Variants in SLC44A1 observed in about 807,000 individuals in gnomAD.
SLC44A1 encodes the protein choline transporter-like protein 1.
Under a neutral mutation model 79.3 loss-of-function variants are expected in SLC44A1, and 26 were observed. That is an observed-to-expected ratio of 0.33 (90% CI 0.24 to 0.46). SLC44A1 has a LOEUF of 0.46. SLC44A1 is among the 20% of genes least tolerant of loss of function. The pLI is 1.00. For missense variants in SLC44A1, 688 were observed against 798.1 expected (o/e 0.86, Z 1.66); for synonymous variants, 263 against 286.2 (o/e 0.92, Z 0.82).
Position 105,272,969 on chromosome 9 carries a change from A to G in SLC44A1, c.37-26251A>G, listed in dbSNP as rs142113257. 1.4e-3 allele frequency among the ~76,000 whole-genome samples: 209 copies of G among 151,546 alleles called. 3 individuals are homozygous for G. In the East Asian group the frequency reaches 0.033, roughly 24 times the overall value. ...GTACGTTTAATTTTCTTTCATATATATATATATATGTATGTATATATAATT... is the reference window on the plus strand; with the variant it reads ...GTACGTTTAATTTTCTTTCATATATGTATATATATGTATGTATATATAATT... On this transcript the variant is annotated intron_variant, in intron 1 of 15. Transcript: ENST00000374720.
intron 1 of SLC44A1, among the ~76,000 whole-genome samples, chr9:105,283,564 C>G (rs1416505457): frequency 6.6e-6 from 1 of 152,194 alleles, no homozygotes; most frequent in African/African-American, 2.4e-5. Flanking sequence ...ATCAACCCAG[C>G]AGGCTAATTT....
chr9:105,306,502 G>A (rs750577206), intron 2 of SLC44A1, among the ~76,000 whole-genome samples: 13 of 151,928 alleles, frequency 8.6e-5, no homozygotes, highest in Non-Finnish European at 1.8e-4. Context: ...GAAGTCCCTA[G>A]GATGATAGTC....
At chr9:105,248,724 T>C (rs1829512881) in intron 1 of SLC44A1, among the ~76,000 whole-genome samples, 1 of 152,214 alleles carries the variant, frequency 6.6e-6, no homozygotes, top group Non-Finnish European at 1.5e-5. Flanking sequence ...CCTAAGGCTC[T>C]TAAAATTTAT....
chr9:105,271,108 T>C (rs962535618), intron 1 of SLC44A1, among the ~76,000 whole-genome samples: 5 of 152,258 alleles, frequency 3.3e-5, no homozygotes, highest in African/African-American at 1.2e-4. Context: ...AGACCAAGCG[T>C]GGCTTTAAGT....
At chr9:105,431,753 C>T (rs1341550207) in intron 15 of SLC44A1, among the ~76,000 whole-genome samples, 3 of 152,186 alleles carry the variant, frequency 2.0e-5, no homozygotes, top group Admixed American at 2.0e-4. Context: ...ATAACTCATA[C>T]ACCCATCTCA....
intron 4 of SLC44A1, among the ~76,000 whole-genome samples, chr9:105,344,427 A>G (rs1178570314): frequency 6.6e-6 from 1 of 152,130 alleles, no homozygotes; most frequent in Non-Finnish European, 1.5e-5. Flanking sequence ...GGCTACTGGA[A>G]TCTTGTGGAT....
intron 1 of SLC44A1, 137 bp downstream of exon 1, chr9:105,245,041 TC>T (rs1212955093): frequency 4.0e-6 from 1 of 251,744 alleles, no homozygotes. Flanking sequence ...AGACCCCCAC[TC>T]CGCCTTTCCG....
At chr9:105,273,308 A>C (rs1830120368) in intron 1 of SLC44A1, among the ~76,000 whole-genome samples, 2 of 152,174 alleles carry the variant, frequency 1.3e-5, no homozygotes, top group African/African-American at 4.8e-5. Flanking sequence ...TTTTTATTAC[A>C]GTAAGTTTGA....
rs774345750 is a variant in SLC44A1 at position 105,383,212 on chromosome 9, C to T, written c.1722C>T (p.Ile574=). The change falls in exon 14 of 16, where the codon ATC becomes ATT. Residue 574 remains isoleucine (I), a synonymous_variant. Transcript: ENST00000374720. ...DYTVWVLPLI[I]VCLFAFLVAH... is the part of the protein sequence containing the mutation. ...CAGTATGGGTGCTGCCTCTGATCAT[C>T]GTCTGCCTCTTTGCTTTCCTAGTCG... The T allele has an allele frequency of 2.5e-6, 4 of 1,613,968 alleles. No individual in the cohort carries two copies. The highest frequency in any genetic ancestry group is 1.7e-5 in the Admixed American group (1 of 60,000).
At chr9:105,368,914 T>C (rs577805620) in intron 12 of SLC44A1, among the ~76,000 whole-genome samples, 7 of 152,268 alleles carry the variant, frequency 4.6e-5, no homozygotes, top group African/African-American at 1.7e-4. Flanking sequence ...GGCTCGTGCC[T>C]GTAGTCCCAG....
At chr9:105,351,442 G>A (rs761513550) in intron 5 of SLC44A1, among the ~76,000 whole-genome samples, 1 of 151,870 alleles carries the variant, frequency 6.6e-6, no homozygotes, top group Non-Finnish European at 1.5e-5. Context: ...GCTGAGACAT[G>A]AGAATCGCTT....
chr9:105,416,164 C>T (rs950162497), intron 15 of SLC44A1, among the ~76,000 whole-genome samples: 7 of 151,848 alleles, frequency 4.6e-5, no homozygotes, highest in Admixed American at 2.6e-4. Context: ...CCCAAAGTGC[C>T]GGGATTACAG....
At chr9:105,435,582 A>G (rs1208556489) in intron 15 of SLC44A1, among the ~76,000 whole-genome samples, 1 of 152,294 alleles carries the variant, frequency 6.6e-6, no homozygotes. Context: ...AATGCTGCAA[A>G]GTTGGTTAAT....
At chr9:105,319,221 CTATTTCCTGGCAAAT>C (rs1010317844) in intron 3 of SLC44A1, among the ~76,000 whole-genome samples, 41 of 152,204 alleles carry the variant, frequency 2.7e-4, no homozygotes, top group African/African-American at 8.4e-4. Flanking sequence ...ATAAAACCAC[CTATTTCCTGGCAAAT>C]TATTTGCCAG....
At chr9:105,425,779 T>C (rs1829314812) in intron 15 of SLC44A1, among the ~76,000 whole-genome samples, 1 of 152,042 alleles carries the variant, frequency 6.6e-6, no homozygotes, top group Non-Finnish European at 1.5e-5. Context: ...GCCGAGATCA[T>C]GCCACTGCAC....
chr9:105,299,912 T>G (rs1830831285), intron 2 of SLC44A1: 1 of 985,490 alleles, frequency 1.0e-6, no homozygotes, highest in South Asian at 4.7e-5. Context: ...GTATAGAGAA[T>G]GGAGGAGCAG....
At chr9:105,292,064 C>A (rs1830613640) in intron 1 of SLC44A1, among the ~76,000 whole-genome samples, 1 of 152,146 alleles carries the variant, frequency 6.6e-6, no homozygotes, top group South Asian at 2.1e-4. Context: ...GCAGGCTTAA[C>A]CCTGCCCATA....
chr9:105,316,392 G>A (rs10118989), intron 3 of SLC44A1, among the ~76,000 whole-genome samples: 18,184 of 152,086 alleles, frequency 0.12, 3,054 homozygotes, highest in African/African-American at 0.38. Context: ...AGGGAAAAAT[G>A]AATTGCAAAC....
chr9:105,315,996 A>G (rs893958047), intron 3 of SLC44A1, among the ~76,000 whole-genome samples: 2 of 152,242 alleles, frequency 1.3e-5, no homozygotes, highest in African/African-American at 4.8e-5. Context: ...TACGAATACT[A>G]AAATAACAAG....
Sources: allele counts gnomAD v4.1 joint callset (sites outside exome capture counted in the v4.1 genomes callset), GRCh38; gene constraint gnomAD v4.1.1; transcripts MANE v1.5; gene names NCBI Gene and HGNC (gene_info 2026-07-23, HGNC 2026-07-21).